UBE2O: variants seen among roughly 807,000 people sequenced by gnomAD.
UBE2O encodes the protein ubiquitin conjugating enzyme E2 O, also known as (E3-independent) E2 ubiquitin-conjugating enzyme.
UBE2O carries 15 observed loss-of-function variants against 125.8 expected under a neutral mutation model. The observed-to-expected ratio is 0.12, with a 90% CI of 0.08 to 0.18. UBE2O has a LOEUF of 0.18. UBE2O is among the 10% of genes least tolerant of loss of function. The pLI is 1.00. For missense variants in UBE2O, 1,280 were observed against 1,723.6 expected (o/e 0.74, Z 4.56); for synonymous variants, 708 against 703.2 (o/e 1.01, Z -0.11).
rs933978915 is a variant in UBE2O, at chr17:76,418,868, C to T, written c.418-13296G>A. Among the ~76,000 whole-genome samples, 11 of 152,142 alleles carry T rather than the reference C, an allele frequency of 7.2e-5. No homozygotes were observed. The East Asian group carries it at 9.6e-4, about 13-fold the overall frequency. On this transcript the variant is annotated intron_variant, in intron 1 of 17. Coordinates refer to ENST00000319380, the MANE Select transcript of UBE2O (RefSeq NM_022066.4). The stretch of plus-strand genomic sequence containing the variant: ...ACAGGCGTGAGCCACCGCGCCTGTC[C>T]GGAACAGATTTTAAGGCAGTTGTTT...
At position 76,396,278 on chromosome 17, in the gene UBE2O, G is replaced by A. The variant is rs759032712; in HGVS notation, c.2659C>T (p.Arg887Cys). The A allele has an allele frequency of 6.8e-6, 11 of 1,614,208 alleles. No individual in the cohort carries two copies. The highest frequency in any genetic ancestry group is 2.2e-5 in the East Asian group (1 of 44,884). The part of the protein sequence containing the change: ...EKMEAVPDVE[R>C]KEDKPEGQSP... ...TGCCCCTCGGGCTTGTCCTCCTTGC[G>A]CTCTACGTCGGGCACTGCTTCCATC... Residue 887 changes from arginine to cysteine, a missense_variant, in exon 14 of 18, where the codon CGC (arginine) becomes TGC (cysteine). This residue lies in a region of UBE2O where 116 missense variants were observed against 154.8 expected (regional missense o/e 0.75). Coordinates refer to ENST00000319380, the MANE Select transcript of UBE2O (RefSeq NM_022066.4). The surrounding 1 kb of genome is among the most constrained non-coding windows in gnomAD (Gnocchi z 6.7).
rs2072289728 is a variant in UBE2O, at chr17:76,399,995, G to C, written c.1156-74C>G. The C allele has an allele frequency of 7.2e-5, 110 of 1,526,892 alleles. No homozygotes were observed. Among genetic ancestry groups the C allele is most frequent in the Non-Finnish European group, 9.6e-5 (109 of 1,130,136 alleles). 94.6% of individuals were successfully genotyped at this position (1,526,892 alleles called of 1,614,324 possible). On this transcript the variant is annotated intron_variant, in intron 8 of 17. Coordinates refer to ENST00000319380, the MANE Select transcript of UBE2O (RefSeq NM_022066.4). The surrounding 1 kb of genome is among the most constrained non-coding windows in gnomAD (Gnocchi z 6.9). The stretch of plus-strand genomic sequence containing the variant: ...GGCCTGGCCCTAGGCATCTCAGGCT[G>C]GGGGGATGACAGCTGTATACACCTG...
Position 76,390,693 on chromosome 17 carries a change from A to G in UBE2O, c.*250T>C. ...GACATTCTGCTGGGGTGACAAATGG[A>G]AAATCGGCAACAGGGTTCCGATTTT... On this transcript the variant is annotated 3_prime_UTR_variant, in exon 18 of 18. Transcript: ENST00000319380. 2.4e-6 allele frequency: 1 copy of G among 409,330 alleles called. No individual in the cohort carries two copies. Among genetic ancestry groups the G allele is most frequent in the Non-Finnish European group, 4.4e-6 (1 of 228,124 alleles). The allele number at this position is 409,330 out of a possible 1,614,324, so 25.4% of individuals were successfully genotyped here. A position where few individuals can be genotyped will look rare whatever the true frequency, so the allele number is the denominator to read the frequency against.
intron 1 of UBE2O, among the ~76,000 whole-genome samples, chr17:76,442,821 T>C (rs1005134994): frequency 1.3e-5 from 2 of 151,996 alleles, no homozygotes; most frequent in Admixed American, 6.6e-5. Flanking sequence ...TGTTCACTGG[T>C]TGAAGGAGGA....
At position 76,452,907 on chromosome 17, in the gene UBE2O, C is replaced by T; in HGVS notation, c.235G>A (p.Val79Met). The change falls in exon 1 of 18, where the codon GTG (valine) becomes ATG (methionine). Residue 79 changes from valine (V) to methionine (M), a missense_variant. Val to Met is a conservative substitution (Grantham distance 21). Around this residue, in one of 10 missense-constraint regions of UBE2O, gnomAD observed 188 missense variants for 192.5 expected, o/e 0.98. Coordinates refer to ENST00000319380, the MANE Select transcript of UBE2O (RefSeq NM_022066.4). This position sits in a 1 kb window ranked among gnomAD's most constrained non-coding sequence, Gnocchi z 4.4. Reference sequence around the variant, plus strand: ...GAGTCCTCGCCGTGGATGAGGCGCACCAGCCCGAAGTGCACGGAGCCACGG... The same window carrying T: ...GAGTCCTCGCCGTGGATGAGGCGCATCAGCCCGAAGTGCACGGAGCCACGG... ...RYRGSVHFGLVRLIHGEDSDS... is the reference protein window; with the variant it reads ...RYRGSVHFGLMRLIHGEDSDS... 1 of 1,497,344 alleles carries T rather than the reference C, an allele frequency of 6.7e-7. No individual in the cohort carries two copies. The highest frequency in any genetic ancestry group is 2.3e-5 in the Admixed American group (1 of 44,048). 92.8% of individuals were successfully genotyped at this position (1,497,344 alleles called of 1,614,324 possible). A position where few individuals can be genotyped will look rare whatever the true frequency, so the allele number is the denominator to read the frequency against.
In UBE2O at chr17:76,424,197, C is replaced by G. The variant is rs192690351; in HGVS notation, c.418-18625G>C. Among the ~76,000 whole-genome samples the G allele has an allele frequency of 2.1e-5, 3 of 143,942 alleles. No homozygotes were observed. The East Asian group carries it at 6.1e-4, about 29-fold the overall frequency. 94.4% of individuals were successfully genotyped at this position (143,942 alleles called of 152,430 possible). A position where few individuals can be genotyped will look rare whatever the true frequency, so the allele number is the denominator to read the frequency against. On this transcript the variant is annotated intron_variant, in intron 1 of 17. Transcript: ENST00000319380. ...TGCTGGGATTACAGGCGTGAGCCAC[C>G]GCGCCCGGCCTTTTTTTTTTTTTTT...
chr17:76,452,685 C>T lies in UBE2O; in HGVS notation c.417+40G>A. 5.9e-6 allele frequency: 8 copies of T among 1,346,920 alleles called. No individual in the cohort carries two copies. The highest frequency in any genetic ancestry group is 7.5e-6 in the Non-Finnish European group (8 of 1,059,640). The allele number at this position is 1,346,920 out of a possible 1,614,324, so 83.4% of individuals were successfully genotyped here. A position where few individuals can be genotyped will look rare whatever the true frequency, so the allele number is the denominator to read the frequency against. On this transcript the variant is annotated intron_variant, in intron 1 of 17. Transcript: ENST00000319380. The surrounding 1 kb of genome is among the most constrained non-coding windows in gnomAD (Gnocchi z 4.4). ...TCCCTGGCCTCGGCCCGGCCGCCGA[C>T]CCCCTGCCGCCCGCGCCGCCCAGCC...
intron 1 of UBE2O, among the ~76,000 whole-genome samples, chr17:76,411,909 C>T (rs978643546): frequency 2.6e-5 from 4 of 152,100 alleles, no homozygotes; most frequent in African/African-American, 9.7e-5. Flanking sequence ...TCTTGAACTC[C>T]TGAGCTCAAG....
Position 76,399,132 on chromosome 17 carries a change from G to A in UBE2O, c.1629-141C>T. The A allele has an allele frequency of 8.6e-7, 1 of 1,162,930 alleles. No homozygotes were observed. The highest frequency in any genetic ancestry group is 1.2e-6 in the Non-Finnish European group (1 of 842,064). The allele number at this position is 1,162,930 out of a possible 1,614,324, so 72.0% of individuals were successfully genotyped here. The stretch of plus-strand genomic sequence containing the variant: ...CCCAGGTTGGCAGGATGAGTCTCTG[G>A]TGCACAGGAAGCTCACCCAGGGTTC... On this transcript the variant is annotated intron_variant, in intron 9 of 17. Transcript: ENST00000319380. This position sits in a 1 kb window ranked among gnomAD's most constrained non-coding sequence, Gnocchi z 6.9.
Position 76,392,072 on chromosome 17 carries a change from G to C in UBE2O, c.2988C>G (p.Pro996=). ...SALIKGPTRT[P]YEDGLYLFDI... Reference sequence around the variant, plus strand: ...CAAACAAGTAGAGGCCATCCTCGTAGGGGGTTCGAGTGGGGCCCTTGATGA... The same window carrying C: ...CAAACAAGTAGAGGCCATCCTCGTACGGGGTTCGAGTGGGGCCCTTGATGA... Residue 996 remains proline, a synonymous_variant, in exon 16 of 18, where the codon CCC becomes CCG. Coordinates refer to ENST00000319380, the MANE Select transcript of UBE2O (RefSeq NM_022066.4). 1 of 1,545,002 alleles carries C rather than the reference G, an allele frequency of 6.5e-7. No individual in the cohort carries two copies. The highest frequency in any genetic ancestry group is 8.7e-7 in the Non-Finnish European group (1 of 1,149,154).
intron 1 of UBE2O, among the ~76,000 whole-genome samples, chr17:76,428,777 G>C (rs1008247109): frequency 1.3e-5 from 2 of 152,156 alleles, no homozygotes; most frequent in East Asian, 1.9e-4. Flanking sequence ...ATGTGATAAA[G>C]GGTGTGAAAC....
rs998761559 is a variant in UBE2O at position 76,405,595 on chromosome 17, G to A, written c.418-23C>T. The A allele has an allele frequency of 2.5e-6, 4 of 1,572,442 alleles. No individual in the cohort carries two copies. The Admixed American group carries it at 5.7e-5, about 23-fold the overall frequency. On this transcript the variant is annotated intron_variant, in intron 1 of 17. Transcript: ENST00000319380. This position sits in a 1 kb window ranked among gnomAD's most constrained non-coding sequence, Gnocchi z 6.1. ...CAGCTGTAAAAGAAAATACAGGTGTGAGAGAATGGACTCTGAAGCCACCAC... is the reference window on the plus strand; with the variant it reads ...CAGCTGTAAAAGAAAATACAGGTGTAAGAGAATGGACTCTGAAGCCACCAC...
chr17:76,412,437 C>A (rs1369303069), intron 1 of UBE2O, among the ~76,000 whole-genome samples: 1 of 152,120 alleles, frequency 6.6e-6, no homozygotes, highest in Non-Finnish European at 1.5e-5. Context: ...GGTCTGAGTC[C>A]TAGGTGTATA....
intron 1 of UBE2O, among the ~76,000 whole-genome samples, chr17:76,439,538 T>C (rs540869148): frequency 2.0e-5 from 3 of 152,354 alleles, no homozygotes; most frequent in South Asian, 4.1e-4. Flanking sequence ...GCCAATAGAA[T>C]GTATGCCCAG....
intron 1 of UBE2O, among the ~76,000 whole-genome samples, chr17:76,437,260 C>A (rs1195401144): frequency 6.6e-6 from 1 of 151,518 alleles, no homozygotes; most frequent in Non-Finnish European, 1.5e-5. Context: ...ACCATCCTGG[C>A]TAACACGGTG....
chr17:76,446,426 C>T (rs2073152033), intron 1 of UBE2O, among the ~76,000 whole-genome samples: 2 of 151,512 alleles, frequency 1.3e-5, no homozygotes, highest in Admixed American at 1.3e-4. Flanking sequence ...AAAAGTTCCT[C>T]TTAGTATAAC....
In UBE2O at chr17:76,399,996, G is replaced by C; in HGVS notation, c.1156-75C>G. The C allele has an allele frequency of 6.5e-7, 1 of 1,533,672 alleles. No individual in the cohort carries two copies. The highest frequency in any genetic ancestry group is 8.8e-7 in the Non-Finnish European group (1 of 1,135,946). ...GCCTGGCCCTAGGCATCTCAGGCTG[G>C]GGGGATGACAGCTGTATACACCTGA... On this transcript the variant is annotated intron_variant, in intron 8 of 17. Coordinates refer to ENST00000319380, the MANE Select transcript of UBE2O (RefSeq NM_022066.4). This position sits in a 1 kb window ranked among gnomAD's most constrained non-coding sequence, Gnocchi z 6.9.
chr17:76,406,583 CTGCTAGTAGAAGA>C lies in UBE2O; in HGVS notation c.418-1024_418-1012del, dbSNP rs57586498. Among the ~76,000 whole-genome samples, 777 of 150,672 alleles carry C rather than the reference CTGCTAGTAGAAGA, an allele frequency of 5.2e-3. 3 individuals are homozygous for C. Among genetic ancestry groups the C allele is most frequent in the African/African-American group, 0.018 (732 of 40,970 alleles). ...CTGGCAATGACAACTAAAACAAACTCTGCTAGTAGAAGAACGTGACTCACAAAAAAAAAAAGGA... is the reference window on the plus strand; with the variant it reads ...CTGGCAATGACAACTAAAACAAACTCACGTGACTCACAAAAAAAAAAAGGA... On this transcript the variant is annotated intron_variant, in intron 1 of 17. Coordinates refer to ENST00000319380, the MANE Select transcript of UBE2O (RefSeq NM_022066.4).
chr17:76,447,627 T>C (rs572832764), intron 1 of UBE2O, among the ~76,000 whole-genome samples: 3 of 152,296 alleles, frequency 2.0e-5, no homozygotes, highest in Non-Finnish European at 4.4e-5. Context: ...AAATGTGCAT[T>C]ACTGAATTTC....
Sources: gnomAD v4.1 joint callset for allele counts (sites outside exome capture counted in the v4.1 genomes callset) on GRCh38, gnomAD v4.1.1 for gene constraint, gnomAD v4.1.1 regional missense constraint, Gnocchi (gnomAD v3.1) non-coding constraint, MANE v1.5 for transcripts, NCBI Gene and HGNC (gene_info 2026-07-23, HGNC 2026-07-21) for gene names.